The following TEX14 variants were observed in gnomAD, a reference collection of about 807,000 sequenced individuals.
TEX14 encodes testis expressed 14, intercellular bridge forming factor.
In TEX14, 168 loss-of-function variants were observed where a neutral mutation model predicts 178.6. The ratio of observed to expected loss-of-function variants is 0.94; its 90% CI spans 0.83 to 1.07. TEX14 has a LOEUF of 1.07. Ranked by LOEUF, TEX14 falls within the 50% of genes least tolerant of loss-of-function variation. TEX14 has a pLI of 0.00. For synonymous variants in TEX14, 626 were observed against 634.1 expected (o/e 0.99, Z 0.19); for missense variants, 1,730 against 1,753.6 (o/e 0.99, Z 0.24).
chr17:58,650,526 A>G (rs1405531483), intron 2 of TEX14, among the ~76,000 whole-genome samples: 2 of 152,016 alleles, frequency 1.3e-5, no homozygotes, highest in African/African-American at 4.8e-5. Flanking sequence ...AGGTTTGATA[A>G]CTTATTTTTT....
In TEX14 at chr17:58,621,786, T is replaced by C; in HGVS notation, c.418A>G (p.Ile140Val). 1 of 1,612,560 alleles carries C rather than the reference T, an allele frequency of 6.2e-7. No homozygotes were observed. Among genetic ancestry groups the C allele is most frequent in the Non-Finnish European group, 8.5e-7 (1 of 1,179,126 alleles). Reference sequence around the variant, plus strand: ...GCACAGCGCTGCATGAACTCCACTATCTGCAAAACATCGCAGAGATGCCCA... The same window carrying C: ...GCACAGCGCTGCATGAACTCCACTACCTGCAAAACATCGCAGAGATGCCCA... ...LTAGKERSTQ[I>V]VEFMQRCASH... is the part of the protein sequence containing the mutation. Residue 140 changes from isoleucine (I) to valine (V), a missense_variant and splice_region_variant, in exon 5 of 32, where the codon ATA becomes GTA. Physicochemically the swap from Ile to Val is conservative, Grantham distance 29 (BLOSUM62 3). Transcript: ENST00000349033.
chr17:58,685,036 T>C (rs2047567333), intron 1 of TEX14, among the ~76,000 whole-genome samples: 1 of 152,166 alleles, frequency 6.6e-6, no homozygotes, highest in African/African-American at 2.4e-5. Context: ...TAAAAAAGAT[T>C]CAAATGTAGA....
intron 3 of TEX14, among the ~76,000 whole-genome samples, chr17:58,626,523 C>G (rs1411344764): frequency 7.7e-6 from 1 of 129,104 alleles, no homozygotes; most frequent in Non-Finnish European, 1.6e-5. Flanking sequence ...TGAGCCAAGA[C>G]CGTGCCACTG....
At chr17:58,622,727 G>A (rs1041698470) in intron 4 of TEX14, 120 bp downstream of exon 4, 12 of 1,018,826 alleles carry the variant, frequency 1.2e-5, no homozygotes, top group Non-Finnish European at 1.6e-5. Flanking sequence ...TTCGATCCAA[G>A]CCTGAGACTC....
intron 3 of TEX14, among the ~76,000 whole-genome samples, chr17:58,625,792 G>A (rs1266167010): frequency 1.3e-5 from 2 of 152,180 alleles, no homozygotes; most frequent in Admixed American, 6.5e-5. Flanking sequence ...CCAGGCTGGA[G>A]TGCAGTGGCA....
intron 10 of TEX14, among the ~76,000 whole-genome samples, chr17:58,608,501 G>A (rs1295983452): frequency 6.6e-6 from 1 of 150,410 alleles, no homozygotes; most frequent in Non-Finnish European, 1.5e-5. Context: ...AAGATCGCTT[G>A]ACGCTGGGAG....
At chr17:58,574,410 G>A (rs533766797) in intron 21 of TEX14, among the ~76,000 whole-genome samples, 161 bp from the exon 22 acceptor site, 1 of 152,202 alleles carries the variant, frequency 6.6e-6, no homozygotes, top group Admixed American at 6.5e-5. Flanking sequence ...AGGCACGTTG[G>A]CTCACGTCTG....
intron 1 of TEX14, among the ~76,000 whole-genome samples, chr17:58,659,112 A>ACACACAACC (rs1567763206): frequency 6.6e-6 from 1 of 151,832 alleles, no homozygotes; most frequent in African/African-American, 2.4e-5. Context: ...CACACGCAAC[A>ACACACAACC]ACACACAAGC....
At chr17:58,593,450 C>A in intron 15 of TEX14, 105 bp downstream of exon 15, 1 of 843,150 alleles carries the variant, frequency 1.2e-6, no homozygotes, top group South Asian at 1.5e-5. Context: ...CTTCATCACT[C>A]ACAGTCCTTT....
At chr17:58,668,748 T>A (rs1389984204) in intron 1 of TEX14, among the ~76,000 whole-genome samples, 1 of 152,112 alleles carries the variant, frequency 6.6e-6, no homozygotes, top group East Asian at 1.9e-4. Flanking sequence ...ATAATCTGGA[T>A]CACCCAGAAA....
At position 58,602,416 on chromosome 17, in the gene TEX14, A is replaced by G. The variant is rs2083934014; in HGVS notation, c.1511T>C (p.Leu504Pro). Residue 504 changes from leucine to proline, a missense_variant, in exon 12 of 32, where the codon CTG becomes CCG. By Grantham distance (98) the Leu-to-Pro change is moderately conservative (BLOSUM62 -3). Coordinates refer to ENST00000349033, the MANE Select transcript of TEX14 (RefSeq NM_031272.5). ...AGGGCTTGCCTTTAAGTCATTCTTC[A>G]GAATATACCGGATATCTTGAAGGTT... ...TMNLQDIRYI[L>P]KNDLKDFTGA... The G allele has an allele frequency of 1.2e-6, 2 of 1,612,664 alleles. No individual in the cohort carries two copies. The highest frequency in any genetic ancestry group is 1.7e-6 in the Non-Finnish European group (2 of 1,179,262).
At position 58,616,213 on chromosome 17, in the gene TEX14, G is replaced by A; in HGVS notation, c.729C>T (p.Thr243=). ...KEVIQADDEP[T]FSFFSGPYMV... ...TGTAGGGGCCGCTGAAGAAAGAGAA[G>A]GTGGGCTCATCATCAGCTTGAATCA... Residue 243 remains threonine, a synonymous_variant, in exon 7 of 32, where the codon ACC becomes ACT. Coordinates refer to ENST00000349033, the MANE Select transcript of TEX14 (RefSeq NM_031272.5). The A allele has an allele frequency of 1.2e-6, 2 of 1,613,974 alleles. No individual in the cohort carries two copies. The highest frequency in any genetic ancestry group is 1.7e-6 in the Non-Finnish European group (2 of 1,179,944).
chr17:58,601,469 C>A (rs1382856777), intron 13 of TEX14, among the ~76,000 whole-genome samples: 1 of 151,366 alleles, frequency 6.6e-6, no homozygotes, highest in African/African-American at 2.4e-5. Flanking sequence ...TTGCAATGAG[C>A]CGAGACCCCA....
intron 15 of TEX14, among the ~76,000 whole-genome samples, chr17:58,589,255 T>A (rs909481258): frequency 6.7e-6 from 1 of 149,344 alleles, no homozygotes; most frequent in Admixed American, 6.7e-5. Context: ...AGAGCGAGAC[T>A]CTATTTCCAA....
At chr17:58,652,041 C>G (rs775187543) in intron 1 of TEX14, 39 bp from the exon 2 acceptor site, 3 of 1,451,240 alleles carry the variant, frequency 2.1e-6, no homozygotes, top group Non-Finnish European at 2.7e-6. Flanking sequence ...TTTAACTGAA[C>G]CAGAAATGCA....
chr17:58,561,945 C>A (rs982867233), intron 28 of TEX14, among the ~76,000 whole-genome samples: 1 of 152,006 alleles, frequency 6.6e-6, no homozygotes, highest in African/African-American at 2.4e-5. Flanking sequence ...AATCAGCCGG[C>A]GTGGTCGCGT....
intron 18 of TEX14, among the ~76,000 whole-genome samples, 164 bp from the exon 19 acceptor site, chr17:58,584,764 C>A (rs2044911849): frequency 6.6e-6 from 1 of 152,178 alleles, no homozygotes; most frequent in Non-Finnish European, 1.5e-5. Context: ...GTTAGTTTAG[C>A]CTGACCCCAA....
chr17:58,571,575 G>A (rs1054184117), intron 24 of TEX14, among the ~76,000 whole-genome samples: 12 of 151,692 alleles, frequency 7.9e-5, no homozygotes, highest in African/African-American at 2.9e-4. Context: ...ACACATATGA[G>A]AAAGGGAGAG....
chr17:58,588,670 C>T (rs1219566422), intron 15 of TEX14, among the ~76,000 whole-genome samples: 1 of 152,122 alleles, frequency 6.6e-6, no homozygotes, highest in East Asian at 1.9e-4. Context: ...AATTCTAGAC[C>T]CTGACCTACC....
Sources: allele counts gnomAD v4.1 joint callset (sites outside exome capture counted in the v4.1 genomes callset), GRCh38; gene constraint gnomAD v4.1.1; transcripts MANE v1.5; gene names NCBI Gene and HGNC (gene_info 2026-07-23, HGNC 2026-07-21).